Variants in ARHGAP42 observed in about 807,000 individuals in gnomAD.
ARHGAP42 encodes the protein Rho GTPase activating protein 42, also known as rho GTPase-activating protein 42.
In ARHGAP42, 63 loss-of-function variants were observed where a neutral mutation model predicts 125.0. The observed-to-expected ratio is 0.50, with a 90% CI of 0.41 to 0.62. The LOEUF is 0.62. ARHGAP42 is among the 20% of genes least tolerant of loss of function. The pLI is 0.00. For missense variants in ARHGAP42, 766 were observed against 1,024.2 expected, an observed-to-expected ratio of 0.75 and a Z score of 3.44; for synonymous variants, 339 against 351.0, an observed-to-expected ratio of 0.97 and a Z score of 0.38.
intron 1 of ARHGAP42, among the ~76,000 whole-genome samples, chr11:100,764,929 T>G (rs1272448786): frequency 6.6e-6 from 1 of 152,130 alleles, no homozygotes; most frequent in Admixed American, 6.5e-5. Context: ...AATGGGCAGT[T>G]AAAGGCAGAG....
rs1858463342 is a variant in ARHGAP42, at chr11:100,979,014, A to C, written c.2421A>C (p.Glu807Asp). 6.4e-7 allele frequency: 1 copy of C among 1,551,514 alleles called. No individual in the cohort carries two copies. ...SVVAAKAQLF[E>D]NVGSPKPVSS... Reference sequence around the variant, plus strand: ...TGGCAGCAAAAGCTCAACTGTTTGAAAATGTTGGTTCACCTAAACCAGTTT... The same window carrying C: ...TGGCAGCAAAAGCTCAACTGTTTGACAATGTTGGTTCACCTAAACCAGTTT... Residue 807 changes from glutamate (E) to aspartate (D), a missense_variant, in exon 22 of 24, where the codon GAA becomes GAC. Physicochemically the swap from Glu to Asp is conservative, Grantham distance 45. Transcript: ENST00000298815.
chr11:100,803,933 C>T (rs990194268), intron 3 of ARHGAP42, among the ~76,000 whole-genome samples: 1 of 152,180 alleles, frequency 6.6e-6, no homozygotes, highest in Non-Finnish European at 1.5e-5. Flanking sequence ...TCATTGCCCA[C>T]AACATTTCAC....
intron 3 of ARHGAP42, among the ~76,000 whole-genome samples, chr11:100,812,420 G>A (rs1218535136): frequency 6.6e-6 from 1 of 152,204 alleles, no homozygotes; most frequent in Non-Finnish European, 1.5e-5. Context: ...GTCAAAAAGA[G>A]CTTCTGCCTT....
chr11:100,827,640 A>G (rs1864554974), intron 3 of ARHGAP42, among the ~76,000 whole-genome samples: 1 of 152,224 alleles, frequency 6.6e-6, no homozygotes, highest in Non-Finnish European at 1.5e-5. Flanking sequence ...GCTGAGGGGT[A>G]AGGTGTGGCT....
At chr11:100,984,326 G>T (rs1169533849) in intron 22 of ARHGAP42, among the ~76,000 whole-genome samples, 1 of 39,446 alleles carries the variant, frequency 2.5e-5, no homozygotes, top group Non-Finnish European at 4.6e-5. Flanking sequence ...TCATTAGATT[G>T]GTGTGCTCTA....
intron 1 of ARHGAP42, 181 bp downstream of exon 1, chr11:100,688,013 T>C: frequency 1.7e-6 from 1 of 597,398 alleles, no homozygotes; most frequent in Non-Finnish European, 2.8e-6. Flanking sequence ...CTTTACTTAC[T>C]CACATGTCTA....
chr11:100,921,603 C>T lies in ARHGAP42; in HGVS notation c.596C>T (p.Pro199Leu), dbSNP rs1031603521. 6.6e-6 allele frequency: 10 copies of T among 1,514,264 alleles called. No individual in the cohort carries two copies. Among genetic ancestry groups the T allele is most frequent in the African/African-American group, 2.8e-5 (2 of 71,006 alleles). 93.8% of individuals were successfully genotyped at this position (1,514,264 alleles called of 1,614,324 possible). Residue 199 changes from proline to leucine, a missense_variant and splice_region_variant, in exon 6 of 24, where the codon CCG (proline) becomes CTG (leucine). Pro to Leu is a moderately conservative substitution (Grantham distance 98). This residue lies in a region of ARHGAP42 where 455 missense variants were observed against 636.5 expected (regional missense o/e 0.71). Coordinates refer to ENST00000298815, the MANE Select transcript of ARHGAP42 (RefSeq NM_152432.4). Reference protein sequence around the residue: ...QEKKKFEFVEPLLSFLQGLFT... With the variant: ...QEKKKFEFVELLLSFLQGLFT... ...AAAAAGAAGTTTGAATTTGTTGAACCGGTAAGTTTCAGATTTTTGTATAAA... is the reference window on the plus strand; with the variant it reads ...AAAAAGAAGTTTGAATTTGTTGAACTGGTAAGTTTCAGATTTTTGTATAAA...
At chr11:100,731,469 G>T (rs1461632724) in intron 1 of ARHGAP42, among the ~76,000 whole-genome samples, 1 of 152,152 alleles carries the variant, frequency 6.6e-6, no homozygotes. Context: ...TCTTTTAAAG[G>T]TTTGAAGTCA....
intron 4 of ARHGAP42, among the ~76,000 whole-genome samples, chr11:100,909,487 A>G (rs1430724892): frequency 6.6e-6 from 1 of 151,724 alleles, no homozygotes; most frequent in Non-Finnish European, 1.5e-5. Flanking sequence ...TGGATTACAA[A>G]TGCCCGTCGC....
At chr11:100,962,708 C>G (rs982109289) in intron 16 of ARHGAP42, among the ~76,000 whole-genome samples, 2 of 152,020 alleles carry the variant, frequency 1.3e-5, no homozygotes, top group African/African-American at 4.8e-5. Flanking sequence ...GAAACCCTGT[C>G]TCTACTAAAA....
chr11:100,688,306 T>G (rs745629283), intron 1 of ARHGAP42, among the ~76,000 whole-genome samples: 1 of 152,188 alleles, frequency 6.6e-6, no homozygotes, highest in African/African-American at 2.4e-5. Context: ...TTGAGTTGGC[T>G]TTTTAAAAAG....
intron 4 of ARHGAP42, among the ~76,000 whole-genome samples, chr11:100,883,815 G>A (rs2080575695): frequency 6.6e-6 from 1 of 152,152 alleles, no homozygotes; most frequent in South Asian, 2.1e-4. Flanking sequence ...TCCACAAGAA[G>A]GAAAGTAGAG....
intron 4 of ARHGAP42, among the ~76,000 whole-genome samples, chr11:100,877,262 G>A (rs1201214890): frequency 6.6e-6 from 1 of 152,172 alleles, no homozygotes; most frequent in Non-Finnish European, 1.5e-5. Flanking sequence ...CAGATGCAGT[G>A]ACACTTAAAA....
intron 4 of ARHGAP42, among the ~76,000 whole-genome samples, chr11:100,906,621 T>A (rs1866745434): frequency 6.6e-6 from 1 of 152,214 alleles, no homozygotes; most frequent in South Asian, 2.1e-4. Context: ...GAAATTTTTT[T>A]TTTGGCAATT....
chr11:100,813,167 A>G (rs1864186904), intron 3 of ARHGAP42, among the ~76,000 whole-genome samples: 1 of 151,752 alleles, frequency 6.6e-6, no homozygotes, highest in Admixed American at 6.7e-5. Flanking sequence ...CATTGGTAGG[A>G]TTTCTCCACC....
intron 1 of ARHGAP42, among the ~76,000 whole-genome samples, chr11:100,721,633 C>T (rs1220341288): frequency 6.6e-6 from 1 of 151,962 alleles, no homozygotes; most frequent in Non-Finnish European, 1.5e-5. Flanking sequence ...CCGCCACGCC[C>T]AGCTAATTTT....
At chr11:100,688,526 A>G (rs558823802) in intron 1 of ARHGAP42, among the ~76,000 whole-genome samples, 95 of 152,136 alleles carry the variant, frequency 6.2e-4, no homozygotes, top group Non-Finnish European at 1.2e-3. Context: ...TCTATAATAT[A>G]GGGCTTCTTC....
chr11:100,706,498 T>G (rs1861484471), intron 1 of ARHGAP42, among the ~76,000 whole-genome samples: 1 of 152,214 alleles, frequency 6.6e-6, no homozygotes, highest in South Asian at 2.1e-4. Context: ...TTATGTAGAC[T>G]TACCAGAAAG....
chr11:100,703,706 G>T (rs1437106673), intron 1 of ARHGAP42, among the ~76,000 whole-genome samples: 1 of 152,204 alleles, frequency 6.6e-6, no homozygotes, highest in Non-Finnish European at 1.5e-5. Flanking sequence ...TATAGATTTT[G>T]AGACTTTATA....
Sources: allele counts gnomAD v4.1 joint callset (sites outside exome capture counted in the v4.1 genomes callset), GRCh38; gene constraint gnomAD v4.1.1; regional missense constraint gnomAD v4.1.1; transcripts MANE v1.5; gene names NCBI Gene and HGNC (gene_info 2026-07-23, HGNC 2026-07-21).